ACYP2: variants seen among roughly 807,000 people sequenced by gnomAD.
ACYP2 encodes the protein acylphosphatase 2.
A neutral mutation model predicts 11.2 loss-of-function variants in ACYP2; 12 were observed. That is an observed-to-expected ratio of 1.08 (90% CI 0.69 to 1.74). The LOEUF (loss-of-function observed/expected upper bound fraction) is 1.74, where lower values mean the gene tolerates loss of function less well. Among genes scored for constraint, ACYP2 ranks in the 40% most tolerant of loss-of-function variants. The probability of loss-of-function intolerance (pLI) is 0.00; values close to 1 mark genes in which losing one functional copy is unlikely to be tolerated. For missense variants in ACYP2, 134 were observed against 101.9 expected (o/e 1.31, Z -1.35); for synonymous variants, 43 against 32.2 (o/e 1.33, Z -1.13).
intron 6 of ACYP2, among the ~76,000 whole-genome samples, chr2:54,272,985 GT>G (rs1156419930): frequency 3.3e-5 from 5 of 152,170 alleles, no homozygotes; most frequent in Admixed American, 1.3e-4. Context: ...AGGTCAGCTT[GT>G]TTTCATCTTG....
intron 2 of ACYP2, among the ~76,000 whole-genome samples, chr2:54,048,833 G>C (rs1675667932): frequency 6.6e-6 from 1 of 152,190 alleles, no homozygotes; most frequent in Admixed American, 6.5e-5. Context: ...AATTCCCAGG[G>C]ACTGCACTTT....
At chr2:54,040,596 G>A (rs1355232018) in intron 2 of ACYP2, among the ~76,000 whole-genome samples, 2 of 152,144 alleles carry the variant, frequency 1.3e-5, no homozygotes, top group Admixed American at 1.3e-4. Context: ...GACTGATAAT[G>A]AGCAGCCAGA....
chr2:54,201,680 T>TTCTTTCTCTC (rs1395606887), intron 6 of ACYP2, among the ~76,000 whole-genome samples: 14 of 107,292 alleles, frequency 1.3e-4, no homozygotes, highest in Non-Finnish European at 1.9e-4. Flanking sequence ...CTTTCTTTCT[T>TTCTTTCTCTC]TCTCTCTCTC....
chr2:54,101,603 G>A (rs889487697), intron 4 of ACYP2, among the ~76,000 whole-genome samples: 2 of 151,320 alleles, frequency 1.3e-5, no homozygotes, highest in Admixed American at 6.6e-5. Context: ...GAACCTGGGA[G>A]GCAGAGTTTG....
At chr2:54,118,386 A>T (rs1679941882) in intron 4 of ACYP2, among the ~76,000 whole-genome samples, 1 of 152,202 alleles carries the variant, frequency 6.6e-6, no homozygotes, top group Admixed American at 6.5e-5. Context: ...GACATTTATT[A>T]TGGGTGTTCT....
At chr2:53,986,272 C>T (rs971305756) in intron 2 of ACYP2, among the ~76,000 whole-genome samples, 1 of 152,110 alleles carries the variant, frequency 6.6e-6, no homozygotes, top group Non-Finnish European at 1.5e-5. Flanking sequence ...CAGCCTGAAG[C>T]TCTCACCGGA....
chr2:54,299,170 A>C lies in ACYP2; in HGVS notation c.405-5518A>C, dbSNP rs1689628269. The stretch of plus-strand genomic sequence containing the variant: ...AACCTTCTTCCCAGATTTTTAAAGC[A>C]CACATAACCAGACTCATAGCTTCTA... On this transcript the variant is annotated intron_variant, in intron 6 of 6. Coordinates refer to ENST00000607452, the MANE Select transcript of ACYP2 (RefSeq NM_001320586.2). Among the ~76,000 whole-genome samples the C allele has an allele frequency of 2.0e-5, 3 of 152,216 alleles. No individual in the cohort carries two copies. The East Asian group carries it at 5.8e-4, about 29-fold the overall frequency.
At chr2:54,276,073 T>G (rs1688548870) in intron 6 of ACYP2, among the ~76,000 whole-genome samples, 1 of 152,170 alleles carries the variant, frequency 6.6e-6, no homozygotes, top group Non-Finnish European at 1.5e-5. Context: ...TTAAAGAGAT[T>G]ACAATTATTA....
intron 6 of ACYP2, among the ~76,000 whole-genome samples, chr2:54,258,348 A>G (rs1284597377): frequency 6.6e-6 from 1 of 152,168 alleles, no homozygotes; most frequent in Non-Finnish European, 1.5e-5. Context: ...CCTGGAGGAG[A>G]GCATTTCAGC....
At chr2:54,201,623 TG>T (rs796197565) in intron 6 of ACYP2, among the ~76,000 whole-genome samples, 8,452 of 98,494 alleles carry the variant, frequency 0.086, 406 homozygotes, top group South Asian at 0.12. Flanking sequence ...TTTCTTTCTT[TG>T]TTTCTTTCTT....
chr2:54,220,008 C>T (rs1002558072), intron 6 of ACYP2, among the ~76,000 whole-genome samples: 4 of 148,852 alleles, frequency 2.7e-5, no homozygotes, highest in African/African-American at 7.4e-5. Context: ...TCCCAAAGTG[C>T]GGGATTACAG....
At chr2:54,225,980 A>G (rs182587350) in intron 6 of ACYP2, among the ~76,000 whole-genome samples, 188 of 152,278 alleles carry the variant, frequency 1.2e-3, no homozygotes, top group Non-Finnish European at 2.5e-4. Context: ...TAAATTATCT[A>G]CGGTATTTAA....
intron 6 of ACYP2, among the ~76,000 whole-genome samples, chr2:54,185,529 A>C (rs1209798695): frequency 6.6e-6 from 1 of 151,488 alleles, no homozygotes; most frequent in African/African-American, 2.5e-5. Flanking sequence ...CGCCTAAAGC[A>C]TAGGGATTTT....
At chr2:54,067,367 G>A (rs1315963135) in intron 4 of ACYP2, among the ~76,000 whole-genome samples, 1 of 152,116 alleles carries the variant, frequency 6.6e-6, no homozygotes, top group Non-Finnish European at 1.5e-5. Context: ...GTTTTCCATT[G>A]TCAACGAGAG....
chr2:54,208,201 A>G (rs112385710), intron 6 of ACYP2, among the ~76,000 whole-genome samples: 2,130 of 152,020 alleles, frequency 0.014, 62 homozygotes, highest in African/African-American at 0.048. Context: ...ACTAAAAAAA[A>G]AAAAACTTTT....
At chr2:54,051,549 A>G in intron 3 of ACYP2, 1 of 737,468 alleles carries the variant, frequency 1.4e-6, no homozygotes, top group Non-Finnish European at 2.5e-6. Flanking sequence ...ATAAAAGGAG[A>G]TCATCTTGGC....
chr2:54,236,449 C>T (rs962668577), intron 6 of ACYP2, among the ~76,000 whole-genome samples: 1 of 151,986 alleles, frequency 6.6e-6, no homozygotes, highest in Non-Finnish European at 1.5e-5. Flanking sequence ...TTTTCTTTGG[C>T]CTATGGGTTA....
chr2:54,274,661 G>A (rs1385474913), intron 6 of ACYP2, among the ~76,000 whole-genome samples: 1 of 129,852 alleles, frequency 7.7e-6, no homozygotes, highest in Non-Finnish European at 1.7e-5. Context: ...AAAGTTCTCT[G>A]AAACTAAAAG....
intron 6 of ACYP2, among the ~76,000 whole-genome samples, chr2:54,262,445 C>G (rs529637853): frequency 6.6e-6 from 1 of 152,252 alleles, no homozygotes; most frequent in African/African-American, 2.4e-5. Flanking sequence ...CATAATCACT[C>G]TAGCCTAATT....
Sources: allele counts gnomAD v4.1 joint callset (sites outside exome capture counted in the v4.1 genomes callset), GRCh38; gene constraint gnomAD v4.1.1; transcripts MANE v1.5; gene names NCBI Gene and HGNC (gene_info 2026-07-23, HGNC 2026-07-21).